The following RAC2 variants were observed in gnomAD, a reference collection of about 807,000 sequenced individuals.
The protein encoded by RAC2 is Rac family small GTPase 2.
Under a neutral mutation model 24.0 loss-of-function variants are expected in RAC2, and 1 was observed. The observed-to-expected ratio is 0.04, with a 90% CI of 0.01 to 0.20. The LOEUF (loss-of-function observed/expected upper bound fraction) is 0.20. Among genes scored for constraint, RAC2 ranks in the 10% least tolerant of loss-of-function variants. The probability of loss-of-function intolerance (pLI) is 1.00; values close to 1 mark genes in which losing one functional copy is unlikely to be tolerated. For synonymous variants in RAC2, 114 were observed against 106.8 expected, an observed-to-expected ratio of 1.07 and a Z score of -0.41; for missense variants, 130 against 259.1, an observed-to-expected ratio of 0.50 and a Z score of 3.42.
intron 5 of RAC2, among the ~76,000 whole-genome samples, chr22:37,228,289 C>T (rs1172714498): frequency 6.6e-6 from 1 of 152,204 alleles, no homozygotes; most frequent in African/African-American, 2.4e-5. Flanking sequence ...CAGCCTTCTC[C>T]CACATGAAGA....
intron 5 of RAC2, among the ~76,000 whole-genome samples, chr22:37,230,737 G>A (rs1221214281): frequency 6.6e-6 from 1 of 152,128 alleles, no homozygotes; most frequent in Non-Finnish European, 1.5e-5. Context: ...GGAAGGAAAT[G>A]TGTCACCCTT....
intron 1 of RAC2, 24 bp downstream of exon 1, chr22:37,244,090 G>A (rs1181148922): frequency 1.9e-6 from 3 of 1,613,920 alleles, no homozygotes; most frequent in Middle Eastern, 1.6e-4. Flanking sequence ...TGGGGGCTGT[G>A]AGGAAGTCCA....
At position 37,226,850 on chromosome 22, in the gene RAC2, G is replaced by C. The variant is rs115077809; in HGVS notation, c.449-47C>G. The C allele has an allele frequency of 8.9e-3, 14,181 of 1,599,932 alleles. 1,314 individuals are homozygous for C. The African/African-American group carries it at 0.17, about 19-fold the overall frequency. ...AGAGCCAAGGCCTAAGTGGCGGGGG[G>C]GGTTCTGGGCCAACATGTCTCCTAT... On this transcript the variant is annotated intron_variant, in intron 5 of 6. Transcript: ENST00000249071.
chr22:37,243,869 C>T (rs1355595594), intron 1 of RAC2, among the ~76,000 whole-genome samples: 4 of 151,738 alleles, frequency 2.6e-5, no homozygotes, highest in Non-Finnish European at 4.4e-5. Flanking sequence ...GGCACTCTCA[C>T]CCATAGTCCT....
At chr22:37,243,343 G>C (rs1601678612) in intron 1 of RAC2, among the ~76,000 whole-genome samples, 1 of 152,222 alleles carries the variant, frequency 6.6e-6, no homozygotes, top group East Asian at 1.9e-4. Flanking sequence ...GCCCCCAGGG[G>C]ACAAGACAGC....
At chr22:37,238,793 G>GGCGGCAAGAGCCAATC (rs1366222228) in intron 2 of RAC2, among the ~76,000 whole-genome samples, 1 of 152,248 alleles carries the variant, frequency 6.6e-6, no homozygotes, top group Non-Finnish European at 1.5e-5. Context: ...CAACAGAGCA[G>GGCGGCAAGAGCCAATC]GCGGCAAGAG....
At chr22:37,232,734 G>A in intron 3 of RAC2, 67 bp downstream of exon 3, 1 of 1,362,692 alleles carries the variant, frequency 7.3e-7, no homozygotes, top group Middle Eastern at 2.3e-4. Context: ...TGGCTGGAAG[G>A]GCATCCCAAG....
At chr22:37,237,255 C>A (rs958644510) in intron 2 of RAC2, among the ~76,000 whole-genome samples, 1 of 150,198 alleles carries the variant, frequency 6.7e-6, no homozygotes, top group Non-Finnish European at 1.5e-5. Context: ...GAGGGAGGGA[C>A]CCTCTTGGAG....
At chr22:37,235,277 C>T (rs1218720571) in intron 2 of RAC2, among the ~76,000 whole-genome samples, 1 of 152,102 alleles carries the variant, frequency 6.6e-6, no homozygotes, top group Non-Finnish European at 1.5e-5. Context: ...TTCCTGGTTA[C>T]CTCTCAGTTC....
intron 2 of RAC2, among the ~76,000 whole-genome samples, chr22:37,234,853 A>G (rs893873477): frequency 6.3e-4 from 95 of 151,954 alleles, no homozygotes; most frequent in African/African-American, 1.6e-3. Context: ...CCCAACTTCT[A>G]TTCATGCTTC....
Position 37,241,570 on chromosome 22 carries a change from T to C in RAC2, c.107+17A>G, listed in dbSNP as rs1927393078. ...TCTCCCCTCCTCCCACCACCCCACA[T>C]ATCCCCAGGAACTCACACGGTGGGG... On this transcript the variant is annotated intron_variant, in intron 2 of 6. Transcript: ENST00000249071. The C allele has an allele frequency of 1.2e-6, 2 of 1,606,368 alleles. No individual in the cohort carries two copies. The highest frequency in any genetic ancestry group is 1.3e-5 in the African/African-American group (1 of 74,684).
At position 37,225,993 on chromosome 22, in the gene RAC2, G is replaced by A. The variant is rs1926823391; in HGVS notation, c.*49C>T. On this transcript the variant is annotated 3_prime_UTR_variant, in exon 7 of 7. Coordinates refer to ENST00000249071, the MANE Select transcript of RAC2 (RefSeq NM_002872.5). ...GGGGTGCCATCAGGCTTTGGGTGGG[G>A]ATCCTGGAGGATCAGACCCATCTAG... 1 of 153,466 alleles carries A rather than the reference G, an allele frequency of 6.5e-6. No homozygotes were observed. Among genetic ancestry groups the A allele is most frequent in the South Asian group, 2.0e-4 (1 of 4,886 alleles). The allele number at this position is 153,466 out of a possible 1,614,324, so 9.5% of individuals were successfully genotyped here. A position where few individuals can be genotyped will look rare whatever the true frequency, so the allele number is the denominator to read the frequency against.
intron 2 of RAC2, among the ~76,000 whole-genome samples, chr22:37,233,251 G>T (rs879291093): frequency 7.3e-5 from 11 of 151,544 alleles, no homozygotes; most frequent in Non-Finnish European, 1.0e-4. Flanking sequence ...TCCCTATGCT[G>T]CCACTCAATG....
chr22:37,242,724 G>A (rs535299913), intron 1 of RAC2, among the ~76,000 whole-genome samples: 15 of 152,362 alleles, frequency 9.8e-5, no homozygotes, highest in Non-Finnish European at 1.6e-4. Context: ...TGGGGCAGGC[G>A]AGGGCAGATA....
In RAC2 at chr22:37,244,203, C is replaced by G. The variant is rs1333383892; in HGVS notation, c.-55G>C. On this transcript the variant is annotated 5_prime_UTR_variant, in exon 1 of 7. Transcript: ENST00000249071. ...TGACAGCTCAGGGCCAGGCGCGTTT[C>G]TGCGGGCGCAAGGGGTGTGGAGGCT... 6.2e-7 allele frequency: 1 copy of G among 1,605,368 alleles called. No homozygotes were observed. The highest frequency in any genetic ancestry group is 8.5e-7 in the Non-Finnish European group (1 of 1,175,816).
intron 5 of RAC2, among the ~76,000 whole-genome samples, chr22:37,228,503 C>G (rs1026632852): frequency 1.3e-5 from 2 of 152,218 alleles, no homozygotes; most frequent in African/African-American, 2.4e-5. Flanking sequence ...ATGTCAGAAC[C>G]AAGAGGAAGG....
chr22:37,240,577 C>T (rs1927357493), intron 2 of RAC2, among the ~76,000 whole-genome samples: 1 of 152,214 alleles, frequency 6.6e-6, no homozygotes, highest in Non-Finnish European at 1.5e-5. Context: ...ACTCAAAACA[C>T]ATGTGTTGTG....
In RAC2 at chr22:37,244,173, G is replaced by A. The variant is rs1197537648; in HGVS notation, c.-25C>T. On this transcript the variant is annotated 5_prime_UTR_variant, in exon 1 of 7. Coordinates refer to ENST00000249071, the MANE Select transcript of RAC2 (RefSeq NM_002872.5). Reference sequence around the variant, plus strand: ...TCGTGTCCGGAGCCTGGAGAGTGTCGGTGGTGACAGCTCAGGGCCAGGCGC... The same window carrying A: ...TCGTGTCCGGAGCCTGGAGAGTGTCAGTGGTGACAGCTCAGGGCCAGGCGC... The A allele has an allele frequency of 1.2e-6, 2 of 1,613,234 alleles. No individual in the cohort carries two copies. Among genetic ancestry groups the A allele is most frequent in the Non-Finnish European group, 1.7e-6 (2 of 1,179,640 alleles).
rs777290534 is a variant in RAC2, at chr22:37,231,331, C to T, written c.348G>A (p.Lys116=). 1.4e-5 allele frequency: 22 copies of T among 1,614,060 alleles called. No individual in the cohort carries two copies. Among genetic ancestry groups the T allele is most frequent in the Non-Finnish European group, 1.8e-5 (21 of 1,180,048 alleles). The part of the protein sequence containing the change: ...PSTPIILVGT[K]LDLRDDKDTI... ...TGTCCTTGTCGTCCCGCAGGTCCAG[C>T]TTGGTGCCCACCAGGATGATGGGTG... The change falls in exon 5 of 7, where the codon AAG becomes AAA. Residue 116 remains lysine, a synonymous_variant. Coordinates refer to ENST00000249071, the MANE Select transcript of RAC2 (RefSeq NM_002872.5). This position sits in a 1 kb window ranked among gnomAD's most constrained non-coding sequence, Gnocchi z 5.5.
Sources: allele counts gnomAD v4.1 joint callset (sites outside exome capture counted in the v4.1 genomes callset), GRCh38; gene constraint gnomAD v4.1.1; non-coding constraint Gnocchi (gnomAD v3.1); transcripts MANE v1.5; gene names NCBI Gene and HGNC (gene_info 2026-07-23, HGNC 2026-07-21).